The following MEG3 variants were observed in gnomAD, a reference collection of about 807,000 sequenced individuals.
MEG3 encodes Very putative protein from MEG3 locus.
chr14:100,852,600 C>T (rs560131168), upstream of MEG3: 38 of 356,590 alleles, frequency 1.1e-4, no homozygotes, highest in African/African-American at 7.9e-4. Flanking sequence ...CAAGCTGTGT[C>T]ACTGTTGGAT....
chr14:100,828,816 G>C (rs1186820342), exon 2 of MEG3: 1 of 151,928 alleles, frequency 6.6e-6, no homozygotes, highest in African/African-American at 2.4e-5. Flanking sequence ...TACACCTCAC[G>C]GTACTTCAAC....
intron 1 of MEG3, chr14:100,835,987 C>T (rs554142406): frequency 1.3e-4 from 43 of 342,442 alleles, no homozygotes; most frequent in African/African-American, 8.1e-4. Flanking sequence ...TGGGGCTGCC[C>T]CTAACCCAGC....
Position 100,836,677 on chromosome 14 carries a change from G to A in MEG3, n.3045+377G>A, listed in dbSNP as rs2037592914. On this transcript the variant is annotated intron_variant and non_coding_transcript_variant, in intron 2 of 3. Coordinates refer to the MEG3 transcript ENST00000398461. ...GGGGCACTTGCCCTGCCCACACCCGGCCCAGGGACCCCTTCGGAGAGGAGG... is the reference window on the plus strand; with the variant it reads ...GGGGCACTTGCCCTGCCCACACCCGACCCAGGGACCCCTTCGGAGAGGAGG... 3.3e-5 allele frequency among the ~76,000 whole-genome samples: 5 copies of A among 152,176 alleles called. No individual in the cohort carries two copies. The South Asian group carries it at 1.0e-3, about 32-fold the overall frequency.
At chr14:100,839,643 GGTCA>G (rs2037692133) in intron 2 of MEG3, among the ~76,000 whole-genome samples, 1 of 152,180 alleles carries the variant, frequency 6.6e-6, no homozygotes, top group African/African-American at 2.4e-5. Context: ...GCATGGATTG[GGTCA>G]GTGTTTCAGA....
At chr14:100,836,943 C>T (rs569513560) in intron 2 of MEG3, among the ~76,000 whole-genome samples, 9 of 152,268 alleles carry the variant, frequency 5.9e-5, no homozygotes, top group South Asian at 2.1e-4. Context: ...AAGAAGAAAG[C>T]GGGATTGGAG....
At chr14:100,843,408 G>A (rs2037817436) in intron 2 of MEG3, among the ~76,000 whole-genome samples, 2 of 152,120 alleles carry the variant, frequency 1.3e-5, no homozygotes, top group Admixed American at 1.3e-4. Context: ...AGGGAGGGTG[G>A]GAAACGGTCT....
Position 100,845,688 on chromosome 14 carries a change from C to G in MEG3, n.3121+155C>G, listed in dbSNP as rs2037899212. 3.1e-6 allele frequency: 1 copy of G among 319,952 alleles called. No individual in the cohort carries two copies. The highest frequency in any genetic ancestry group is 6.2e-6 in the Non-Finnish European group (1 of 162,038). The allele number at this position is 319,952 out of a possible 1,614,324, so 19.8% of individuals were successfully genotyped here. A position where few individuals can be genotyped will look rare whatever the true frequency, so the allele number is the denominator to read the frequency against. On this transcript the variant is annotated intron_variant and non_coding_transcript_variant, in intron 3 of 3. Coordinates refer to the MEG3 transcript ENST00000398461. This position sits in a 1 kb window ranked among gnomAD's most constrained non-coding sequence, Gnocchi z 5.2. ...GGAGGTGGGTGCCCATCGAGTCAAG[C>G]CAAGTGCAGACCTGGGGGCTCCTGT... is the stretch of plus-strand genomic sequence containing the variant.
intron 3 of MEG3, chr14:100,851,526 G>A (rs1288693699): frequency 6.6e-6 from 1 of 152,166 alleles, no homozygotes; most frequent in East Asian, 1.9e-4. Context: ...CCTTGTTCTT[G>A]CAACTCTCTG....
chr14:100,847,296 A>G (rs1182438155), intron 3 of MEG3: 1 of 152,214 alleles, frequency 6.6e-6, no homozygotes, highest in Non-Finnish European at 1.5e-5. Flanking sequence ...GAAAGAAAAA[A>G]AGGCCAAAAA....
At chr14:100,847,446 G>A (rs572747322) in intron 3 of MEG3, 1 of 152,244 alleles carries the variant, frequency 6.6e-6, no homozygotes, top group East Asian at 1.9e-4. Context: ...GGTAATATTG[G>A]TAAATAAAGA....
At position 100,845,570 on chromosome 14, in the gene MEG3, T is replaced by C; in HGVS notation, n.3121+37T>C. The C allele has an allele frequency of 2.2e-6, 1 of 451,986 alleles. No individual in the cohort carries two copies. The highest frequency in any genetic ancestry group is 4.5e-6 in the Non-Finnish European group (1 of 224,472). 28.0% of individuals were successfully genotyped at this position (451,986 alleles called of 1,614,324 possible). A position where few individuals can be genotyped will look rare whatever the true frequency, so the allele number is the denominator to read the frequency against. ...GAGTGTAAAGAACACACATGTGGCC[T>C]TGCTGCTGAGGGTGGGGCCAGCTGC... is the stretch of plus-strand genomic sequence containing the variant. On this transcript the variant is annotated intron_variant and non_coding_transcript_variant, in intron 3 of 3. Coordinates refer to the MEG3 transcript ENST00000398461. The surrounding 1 kb of genome is among the most constrained non-coding windows in gnomAD (Gnocchi z 5.2).
intron 1 of MEG3, chr14:100,836,145 T>A: frequency 4.5e-6 from 2 of 441,232 alleles, no homozygotes; most frequent in Non-Finnish European, 9.0e-6. Context: ...GCCATGATTC[T>A]AACTCTCTGC....
rs1463832680 is a variant in MEG3, at chr14:100,837,843, G to A, written n.3045+1543G>A. Among the ~76,000 whole-genome samples the A allele has an allele frequency of 9.2e-5, 14 of 152,114 alleles. No homozygotes were observed. Among genetic ancestry groups the A allele is most frequent in the South Asian group, 6.2e-4 (3 of 4,832 alleles). On this transcript the variant is annotated intron_variant and non_coding_transcript_variant, in intron 2 of 3. Coordinates refer to the MEG3 transcript ENST00000398461. This position sits in a 1 kb window ranked among gnomAD's most constrained non-coding sequence, Gnocchi z 5.8. ...CAGCGTAGGCAGAGGGGGCAGAGGC[G>A]CTCTAACCTGGGGCTGTTGCCTTTG...
rs867415360 is a variant in MEG3, at chr14:100,845,533, C to T, written n.3121C>T. On this transcript the variant is annotated splice_region_variant and non_coding_transcript_exon_variant, in exon 3 of 4. Coordinates refer to the MEG3 transcript ENST00000398461. This position sits in a 1 kb window ranked among gnomAD's most constrained non-coding sequence, Gnocchi z 5.2. ...CCCCAGCCCCTCTCCAGCTCGAAATCGTAAGTGGCTGGAGTGTAAAGAACA... is the reference window on the plus strand; with the variant it reads ...CCCCAGCCCCTCTCCAGCTCGAAATTGTAAGTGGCTGGAGTGTAAAGAACA... The T allele has an allele frequency of 1.5e-5, 7 of 456,682 alleles. No homozygotes were observed. Among genetic ancestry groups the T allele is most frequent in the South Asian group, 4.6e-5 (3 of 64,566 alleles). 28.3% of individuals were successfully genotyped at this position (456,682 alleles called of 1,614,324 possible). A position where few individuals can be genotyped will look rare whatever the true frequency, so the allele number is the denominator to read the frequency against.
At chr14:100,852,623 G>A, upstream of MEG3, 3 of 346,576 alleles carry the variant, frequency 8.7e-6, no homozygotes, top group Non-Finnish European at 1.7e-5. Context: ...GGATGGGGCG[G>A]GAGGGGTTCA....
At position 100,845,470 on chromosome 14, in the gene MEG3, C is replaced by A; in HGVS notation, n.3058C>A. 2.2e-6 allele frequency: 1 copy of A among 456,816 alleles called. No individual in the cohort carries two copies. 28.3% of individuals were successfully genotyped at this position (456,816 alleles called of 1,614,324 possible). ...CTTCTTGTTACAGCGGAAGCCATCA[C>A]CTGGATGCCTACGTGGGAAGGGACC... On this transcript the variant is annotated non_coding_transcript_exon_variant, in exon 3 of 4. Coordinates refer to the MEG3 transcript ENST00000398461. The surrounding 1 kb of genome is among the most constrained non-coding windows in gnomAD (Gnocchi z 5.2).
intron 1 of MEG3, among the ~76,000 whole-genome samples, chr14:100,827,052 T>C (rs2037254450): frequency 6.6e-6 from 1 of 151,722 alleles, no homozygotes; most frequent in African/African-American, 2.4e-5. Flanking sequence ...AGGGGGTGTG[T>C]TGCTGGGGTC....
chr14:100,831,888 CT>C (rs2037405734), downstream of MEG3: 1 of 152,194 alleles, frequency 6.6e-6, no homozygotes, highest in African/African-American at 2.4e-5. Flanking sequence ...TCGTCTTTAT[CT>C]GGCAGGTCAG....
chr14:100,828,255 C>T (rs886483153), intron 1 of MEG3, among the ~76,000 whole-genome samples: 1 of 152,052 alleles, frequency 6.6e-6, no homozygotes, highest in African/African-American at 2.4e-5. Flanking sequence ...TGTGTGCCAG[C>T]CCCGCTACCT....
Sources: gnomAD v4.1 joint callset for allele counts (sites outside exome capture counted in the v4.1 genomes callset) on GRCh38, gnomAD v4.1.1 for gene constraint, Gnocchi (gnomAD v3.1) non-coding constraint, MANE v1.5 for transcripts, NCBI Gene and HGNC (gene_info 2026-07-23, HGNC 2026-07-21) for gene names.